The following CCAR1 variants were observed in gnomAD, a reference collection of about 807,000 sequenced individuals.
The protein encoded by CCAR1 is cell division cycle and apoptosis regulator protein 1.
Under a neutral mutation model 163.8 loss-of-function variants are expected in CCAR1, and 78 were observed. The ratio of observed to expected loss-of-function variants is 0.48; its 90% CI spans 0.40 to 0.57. The LOEUF is 0.57. Among genes scored for constraint, CCAR1 ranks in the 20% least tolerant of loss-of-function variants. CCAR1 has a pLI of 0.00. For missense variants in CCAR1, 1,019 were observed against 1,365.2 expected (o/e 0.75, Z 4.00); for synonymous variants, 443 against 460.7 (o/e 0.96, Z 0.49).
intron 23 of CCAR1, among the ~76,000 whole-genome samples, chr10:68,789,313 C>T (rs530467815): frequency 6.6e-6 from 1 of 151,842 alleles, no homozygotes; most frequent in South Asian, 2.1e-4. Flanking sequence ...TGAAACAGGC[C>T]AGGCATGGTG....
intron 2 of CCAR1, 50 bp from the exon 3 acceptor site, chr10:68,736,826 T>A: frequency 1.3e-6 from 2 of 1,528,416 alleles, no homozygotes; most frequent in Non-Finnish European, 1.8e-6. Flanking sequence ...ATATTTTTTA[T>A]ATTCTTCTTA....
intron 19 of CCAR1, among the ~76,000 whole-genome samples, chr10:68,774,642 A>C (rs1411062843): frequency 2.0e-5 from 3 of 152,110 alleles, no homozygotes; most frequent in Non-Finnish European, 1.5e-5. Flanking sequence ...AAAAAAAAAA[A>C]AACTAATTTG....
chr10:68,746,384 C>T lies in CCAR1; in HGVS notation c.519-777C>T, dbSNP rs547172277. On this transcript the variant is annotated intron_variant, in intron 6 of 24. Coordinates refer to ENST00000265872, the MANE Select transcript of CCAR1 (RefSeq NM_018237.4). ...CTCCGCCTCTCGGGTACAGGCGATT[C>T]GCACCCGGCTAATTTTTGTATTTTT... Among the ~76,000 whole-genome samples, 13 of 152,136 alleles carry T rather than the reference C, an allele frequency of 8.5e-5. No individual in the cohort carries two copies. The South Asian group carries it at 2.3e-3, about 27-fold the overall frequency.
intron 6 of CCAR1, among the ~76,000 whole-genome samples, chr10:68,744,948 G>A (rs750859423): frequency 6.6e-5 from 10 of 151,498 alleles, no homozygotes; most frequent in Non-Finnish European, 1.0e-4. Context: ...CAGCTACCTC[G>A]TGTAGCTGGG....
intron 23 of CCAR1, among the ~76,000 whole-genome samples, chr10:68,788,551 C>T (rs981165697): frequency 6.6e-6 from 1 of 152,200 alleles, no homozygotes; most frequent in Non-Finnish European, 1.5e-5. Context: ...GTGGCACAAT[C>T]TCAACTTACT....
At chr10:68,721,865 G>C (rs962661427) in intron 1 of CCAR1, among the ~76,000 whole-genome samples, 2 of 152,194 alleles carry the variant, frequency 1.3e-5, no homozygotes, top group African/African-American at 4.8e-5. Context: ...ATCTTGGGGG[G>C]AGGGGTTTTC....
Position 68,750,455 on chromosome 10 carries a change from C to T in CCAR1, c.1118+770C>T, listed in dbSNP as rs138824575. Among the ~76,000 whole-genome samples the T allele has an allele frequency of 3.3e-5, 5 of 152,186 alleles. No homozygotes were observed. The East Asian group carries it at 9.6e-4, about 29-fold the overall frequency. Reference sequence around the variant, plus strand: ...GGCCAGGTTTGTTTCGAACTCCTAACCTCAAGTGATCCACCTGCCTGGCCC... The same window carrying T: ...GGCCAGGTTTGTTTCGAACTCCTAATCTCAAGTGATCCACCTGCCTGGCCC... On this transcript the variant is annotated intron_variant, in intron 10 of 24. Transcript: ENST00000265872.
At chr10:68,765,812 A>G in intron 16 of CCAR1, 76 bp from the exon 17 acceptor site, 1 of 939,724 alleles carries the variant, frequency 1.1e-6, no homozygotes, top group Non-Finnish European at 1.6e-6. Flanking sequence ...ATATATATTC[A>G]ATATATATTC....
intron 2 of CCAR1, among the ~76,000 whole-genome samples, chr10:68,731,878 G>A (rs1159381645): frequency 3.3e-5 from 5 of 152,078 alleles, no homozygotes; most frequent in Middle Eastern, 3.4e-3. Context: ...GGCATGAGCC[G>A]CAGTACCTAG....
chr10:68,726,048 A>G (rs1199590234), intron 2 of CCAR1, among the ~76,000 whole-genome samples: 2 of 150,370 alleles, frequency 1.3e-5, no homozygotes, highest in African/African-American at 4.9e-5. Flanking sequence ...TGGGAGGTCT[A>G]GGCTACAGTG....
intron 16 of CCAR1, among the ~76,000 whole-genome samples, chr10:68,762,736 TTTC>T: frequency 6.6e-6 from 1 of 152,302 alleles, no homozygotes; most frequent in African/African-American, 2.4e-5. Flanking sequence ...AATGTGAAAT[TTTC>T]TTTTTTAAAT....
At chr10:68,736,217 AT>A (rs2056107916) in intron 2 of CCAR1, among the ~76,000 whole-genome samples, 1 of 152,162 alleles carries the variant, frequency 6.6e-6, no homozygotes. Context: ...TATTTATGGT[AT>A]ACATACACAA....
intron 2 of CCAR1, among the ~76,000 whole-genome samples, chr10:68,722,913 C>T (rs1471178716): frequency 6.6e-6 from 1 of 151,806 alleles, no homozygotes; most frequent in East Asian, 1.9e-4. Flanking sequence ...CAGAGAGATA[C>T]TCCGTCTCAA....
Position 68,726,147 on chromosome 10 carries a change from C to A in CCAR1, c.73+3570C>A, listed in dbSNP as rs540875502. On this transcript the variant is annotated intron_variant, in intron 2 of 24. Coordinates refer to ENST00000265872, the MANE Select transcript of CCAR1 (RefSeq NM_018237.4). Reference sequence around the variant, plus strand: ...AAAAAAAAAAAAGAAATGGGTACTTCAGGGTTTTAATTTTTTTTTTTTGAG... The same window carrying A: ...AAAAAAAAAAAAGAAATGGGTACTTAAGGGTTTTAATTTTTTTTTTTTGAG... 2.0e-3 allele frequency among the ~76,000 whole-genome samples: 230 copies of A among 112,512 alleles called. 1 individual carries two copies. Among genetic ancestry groups the A allele is most frequent in the African/African-American group, 7.0e-3 (223 of 31,928 alleles). The allele number at this position is 112,512 out of a possible 152,430, so 73.8% of individuals were successfully genotyped here. A position where few individuals can be genotyped will look rare whatever the true frequency, so the allele number is the denominator to read the frequency against.
intron 2 of CCAR1, among the ~76,000 whole-genome samples, chr10:68,734,231 T>C (rs943932467): frequency 6.6e-6 from 1 of 152,152 alleles, no homozygotes; most frequent in Non-Finnish European, 1.5e-5. Context: ...GTTCTTTCTA[T>C]AGAGTTAATA....
At chr10:68,727,080 T>G (rs532341267) in intron 2 of CCAR1, among the ~76,000 whole-genome samples, 1 of 148,070 alleles carries the variant, frequency 6.8e-6, no homozygotes, top group Non-Finnish European at 1.5e-5. Flanking sequence ...TTTTGTTTTT[T>G]TTTTTTTGAC....
At chr10:68,728,489 G>A (rs1192500418) in intron 2 of CCAR1, among the ~76,000 whole-genome samples, 2 of 151,938 alleles carry the variant, frequency 1.3e-5, no homozygotes, top group Non-Finnish European at 2.9e-5. Context: ...CTGCCTAAGG[G>A]GATTGGCCAA....
In CCAR1 at chr10:68,749,389, AT is replaced by A. The variant is rs1473068255; in HGVS notation, c.956+128del. The A allele has an allele frequency of 3.1e-6, 4 of 1,272,662 alleles. No homozygotes were observed. In the East Asian group the frequency reaches 7.6e-5, roughly 24 times the overall value. 78.8% of individuals were successfully genotyped at this position (1,272,662 alleles called of 1,614,324 possible). A position where few individuals can be genotyped will look rare whatever the true frequency, so the allele number is the denominator to read the frequency against. On this transcript the variant is annotated intron_variant, in intron 9 of 24. Coordinates refer to ENST00000265872, the MANE Select transcript of CCAR1 (RefSeq NM_018237.4). ...AAATGGTAAATTTTATGTTATGTCT[AT>A]TTTACTACAATTTTTAAAAAGTTAA...
chr10:68,791,176 A>G, intron 24 of CCAR1, 31 bp from the exon 25 acceptor site: 1 of 1,290,618 alleles, frequency 7.7e-7, no homozygotes. Context: ...ATCTAATAAA[A>G]TGTATTTTTT....
Sources: gnomAD v4.1 joint callset for allele counts (sites outside exome capture counted in the v4.1 genomes callset) on GRCh38, gnomAD v4.1.1 for gene constraint, MANE v1.5 for transcripts, NCBI Gene and HGNC (gene_info 2026-07-23, HGNC 2026-07-21) for gene names.